MACROD2: variants seen among roughly 807,000 people sequenced by gnomAD.
MACROD2 encodes ADP-ribose glycohydrolase MACROD2.
A neutral mutation model predicts 70.4 loss-of-function variants in MACROD2; 36 were observed. The ratio of observed to expected loss-of-function variants is 0.51; its 90% confidence interval spans 0.39 to 0.68. The LOEUF (loss-of-function observed/expected upper bound fraction) is 0.68, where lower values mean the gene tolerates loss of function less well. MACROD2 is among the 30% of genes least tolerant of loss of function. MACROD2 has a pLI of 0.00. For synonymous variants in MACROD2, 172 were observed against 178.8 expected (o/e 0.96, Z 0.30); for missense variants, 496 against 538.4 (o/e 0.92, Z 0.78).
At chr20:16,026,227 TGAAACATCTGAAGG>T (rs2067078810) in intron 15 of MACROD2, among the ~76,000 whole-genome samples, 2 of 152,152 alleles carry the variant, frequency 1.3e-5, no homozygotes, top group African/African-American at 4.8e-5. Flanking sequence ...GCTTTGATCC[TGAAACATCTGAAGG>T]GGAATGAGGT....
At chr20:14,377,452 G>C (rs1178606673) in intron 3 of MACROD2, among the ~76,000 whole-genome samples, 1 of 152,180 alleles carries the variant, frequency 6.6e-6, no homozygotes, top group Non-Finnish European at 1.5e-5. Flanking sequence ...TTTGGAATTT[G>C]TCTCATCACT....
intron 6 of MACROD2, among the ~76,000 whole-genome samples, chr20:15,383,240 A>G (rs920427103): frequency 1.2e-4 from 18 of 152,354 alleles, no homozygotes; most frequent in African/African-American, 4.1e-4. Flanking sequence ...AATAATCCCC[A>G]AACATGTTTA....
Position 14,783,221 on chromosome 20 carries a change from T to A in MACROD2, c.418+98262T>A, listed in dbSNP as rs1056124805. Among the ~76,000 whole-genome samples the A allele has an allele frequency of 1.9e-4, 29 of 152,164 alleles. 1 individual carries two copies. Among genetic ancestry groups the A allele is most frequent in the African/African-American group, 4.8e-4 (20 of 41,420 alleles). On this transcript the variant is annotated intron_variant, in intron 5 of 17. Coordinates refer to ENST00000684519, the MANE Select transcript of MACROD2 (RefSeq NM_001351661.2). ...TCTAAATCCTAATGATGTGTATGAA[T>A]ACCATAGAAGTAGCAATAGCTCACA...
chr20:14,342,196 G>A (rs1412646132), intron 3 of MACROD2, among the ~76,000 whole-genome samples: 3 of 152,164 alleles, frequency 2.0e-5, no homozygotes, highest in African/African-American at 7.2e-5. Context: ...GAGAATGGAG[G>A]ACAGGGCATG....
rs553610983 is a variant in MACROD2 at position 15,518,591 on chromosome 20, AGGGAAGAAGAAAGAAG to A, written c.645+18755_645+18770del. Reference sequence around the variant, plus strand: ...TTGATTTAAAAGCAAAAAGGAGAAGAGGGAAGAAGAAAGAAGGGGAAGAAGAGATTGAAGAAGAGAA... The same window carrying A: ...TTGATTTAAAAGCAAAAAGGAGAAGAGGGAAGAAGAGATTGAAGAAGAGAA... On this transcript the variant is annotated intron_variant, in intron 8 of 17. Coordinates refer to ENST00000684519, the MANE Select transcript of MACROD2 (RefSeq NM_001351661.2). Among the ~76,000 whole-genome samples the A allele has an allele frequency of 2.7e-3, 415 of 152,298 alleles. 2 individuals carry two copies. The highest frequency in any genetic ancestry group is 9.6e-3 in the African/African-American group (399 of 41,556).
intron 8 of MACROD2, among the ~76,000 whole-genome samples, chr20:15,819,566 A>G (rs1206293483): frequency 6.7e-6 from 1 of 150,298 alleles, no homozygotes; most frequent in South Asian, 2.1e-4. Flanking sequence ...ATATACACAC[A>G]CAATGGAATA....
chr20:14,696,955 T>A (rs1354234432), intron 5 of MACROD2, among the ~76,000 whole-genome samples: 1 of 152,220 alleles, frequency 6.6e-6, no homozygotes, highest in African/African-American at 2.4e-5. Flanking sequence ...ATACATGTCA[T>A]CTCTCATGAC....
intron 3 of MACROD2, among the ~76,000 whole-genome samples, chr20:14,121,368 A>G (rs959483990): frequency 6.6e-6 from 1 of 152,152 alleles, no homozygotes; most frequent in Non-Finnish European, 1.5e-5. Flanking sequence ...GTAGGACCCT[A>G]TTTCCTGTTA....
intron 8 of MACROD2, among the ~76,000 whole-genome samples, chr20:15,740,042 CA>C (rs2051080962): frequency 6.6e-6 from 1 of 152,208 alleles, no homozygotes; most frequent in Admixed American, 6.5e-5. Context: ...ATGTCTACTT[CA>C]GGTCACATTC....
At chr20:15,342,908 G>A (rs1055985055) in intron 6 of MACROD2, among the ~76,000 whole-genome samples, 2 of 152,150 alleles carry the variant, frequency 1.3e-5, no homozygotes, top group African/African-American at 2.4e-5. Context: ...TTTGCTGTGC[G>A]ATTTCCACCG....
At chr20:14,281,933 C>CAAAAAAAA (rs571115190) in intron 3 of MACROD2, among the ~76,000 whole-genome samples, 3 of 96,562 alleles carry the variant, frequency 3.1e-5, no homozygotes, top group African/African-American at 4.4e-5. Context: ...GACTCCCTCT[C>CAAAAAAAA]AAAAAAAAAA....
chr20:15,901,468 G>A (rs1275745001), intron 10 of MACROD2, among the ~76,000 whole-genome samples: 5 of 152,168 alleles, frequency 3.3e-5, no homozygotes, highest in Admixed American at 2.0e-4. Context: ...CCAGTCAGCC[G>A]CACCATCACG....
chr20:14,356,837 G>A (rs1403567579), intron 3 of MACROD2, among the ~76,000 whole-genome samples: 1 of 152,218 alleles, frequency 6.6e-6, no homozygotes, highest in East Asian at 1.9e-4. Flanking sequence ...CCTCACGCAC[G>A]GCTGGCATAT....
At chr20:14,721,265 AAAAAAGAAAAG>A (rs914947178) in intron 5 of MACROD2, among the ~76,000 whole-genome samples, 1 of 151,654 alleles carries the variant, frequency 6.6e-6, no homozygotes, top group African/African-American at 2.4e-5. Context: ...AAAAAAAAAA[AAAAAAGAAAAG>A]AAAAAGAAAA....
intron 10 of MACROD2, among the ~76,000 whole-genome samples, chr20:15,915,017 G>A (rs76129920): frequency 0.021 from 3,136 of 152,266 alleles, 43 homozygotes; most frequent in Middle Eastern, 0.054. Flanking sequence ...GGTCCCAAGC[G>A]CGGGAGCTTC....
At chr20:15,351,358 A>G (rs1415234165) in intron 6 of MACROD2, among the ~76,000 whole-genome samples, 2 of 152,292 alleles carry the variant, frequency 1.3e-5, no homozygotes, top group Admixed American at 6.5e-5. Context: ...GTTACCCTTT[A>G]TAACCTTTAT....
chr20:15,839,202 C>G (rs1402817487), intron 8 of MACROD2, among the ~76,000 whole-genome samples: 1 of 152,108 alleles, frequency 6.6e-6, no homozygotes, highest in Non-Finnish European at 1.5e-5. Flanking sequence ...ACAGAAGCAT[C>G]CCTTGAGAGG....
chr20:16,033,940 AGTT>A (rs2067189530), intron 15 of MACROD2, among the ~76,000 whole-genome samples: 1 of 152,032 alleles, frequency 6.6e-6, no homozygotes, highest in Non-Finnish European at 1.5e-5. Context: ...AATTTCTAGA[AGTT>A]GGAGTTGTGG....
At chr20:15,371,846 GTTCTC>G (rs1355526248) in intron 6 of MACROD2, among the ~76,000 whole-genome samples, 1 of 152,084 alleles carries the variant, frequency 6.6e-6, no homozygotes, top group Non-Finnish European at 1.5e-5. Flanking sequence ...TATTTCTGTT[GTTCTC>G]TTCTCAAACA....
Sources: allele counts gnomAD v4.1 joint callset (sites outside exome capture counted in the v4.1 genomes callset), GRCh38; gene constraint gnomAD v4.1.1; transcripts MANE v1.5; gene names NCBI Gene and HGNC (gene_info 2026-07-23, HGNC 2026-07-21).